The following UBE2V2 variants were observed in gnomAD, a reference collection of about 807,000 sequenced individuals.
The protein encoded by UBE2V2 is ubiquitin conjugating enzyme E2 V2.
In UBE2V2, 9 loss-of-function variants were observed where a neutral mutation model predicts 17.2. The ratio of observed to expected loss-of-function variants is 0.52; its 90% CI spans 0.32 to 0.91. The LOEUF (loss-of-function observed/expected upper bound fraction) is 0.91. Among genes scored for constraint, UBE2V2 ranks in the 40% least tolerant of loss-of-function variants. The pLI is 0.04. For synonymous variants in UBE2V2, 61 were observed against 57.5 expected, an observed-to-expected ratio of 1.06 and a Z score of -0.28; for missense variants, 133 against 182.6, an observed-to-expected ratio of 0.73 and a Z score of 1.56.
At position 48,049,877 on chromosome 8, in the gene UBE2V2, A is replaced by T; in HGVS notation, c.190A>T (p.Ser64Cys). The change falls in exon 3 of 4, where the codon AGC (serine) becomes TGC (cysteine). Residue 64 changes from serine (S) to cysteine (C), a missense_variant. Around this residue, in one of 3 missense-constraint regions of UBE2V2, gnomAD observed 92 missense variants for 124.3 expected, o/e 0.74. Transcript: ENST00000523111. ...PRTNYENRIY[S>C]LKVECGPKYP... ...GACAAATTATGAAAACAGAATATAT[A>T]GCCTGAAAGTAGAATGTGGACCTAA... 6.3e-7 allele frequency: 1 copy of T among 1,593,154 alleles called. No homozygotes were observed. Among genetic ancestry groups the T allele is most frequent in the Non-Finnish European group, 8.5e-7 (1 of 1,173,398 alleles).
intron 1 of UBE2V2, among the ~76,000 whole-genome samples, chr8:48,022,142 CTT>C (rs879871970): frequency 7.7e-5 from 11 of 143,612 alleles, no homozygotes; most frequent in African/African-American, 7.6e-5. Context: ...CAGTTTGGAT[CTT>C]TTTTTTTTTT....
rs2091377713 is a variant in UBE2V2, at chr8:48,030,872, A to G, written c.17-12161A>G. 2.0e-5 allele frequency among the ~76,000 whole-genome samples: 3 copies of G among 152,058 alleles called. No individual in the cohort carries two copies. The South Asian group carries it at 6.2e-4, about 32-fold the overall frequency. The stretch of plus-strand genomic sequence containing the variant: ...CCCCGTCTCTACTAAAAATACAAAA[A>G]TTAGCCAGGAGTAGTGGTACATGCC... On this transcript the variant is annotated intron_variant, in intron 1 of 3. Coordinates refer to ENST00000523111, the MANE Select transcript of UBE2V2 (RefSeq NM_003350.3).
At chr8:48,009,787 G>A (rs906739463) in intron 1 of UBE2V2, among the ~76,000 whole-genome samples, 4 of 152,092 alleles carry the variant, frequency 2.6e-5, no homozygotes, top group African/African-American at 4.8e-5. Context: ...TTACATATAG[G>A]TGTCATAGGT....
In UBE2V2 at chr8:48,011,882, G is replaced by T. The variant is rs144195457; in HGVS notation, c.16+3412G>T. On this transcript the variant is annotated intron_variant, in intron 1 of 3. Transcript: ENST00000523111. ...TTATCCAGTGTAGTCTGAACTCCTGGACTCAAGTGACCCTCCTGCCCTGGC... is the reference window on the plus strand; with the variant it reads ...TTATCCAGTGTAGTCTGAACTCCTGTACTCAAGTGACCCTCCTGCCCTGGC... Among the ~76,000 whole-genome samples the T allele has an allele frequency of 2.3e-3, 343 of 152,250 alleles. 2 individuals are homozygous for T. The highest frequency in any genetic ancestry group is 7.8e-3 in the African/African-American group (322 of 41,548).
chr8:48,007,574 T>A (rs980597813), upstream of UBE2V2, among the ~76,000 whole-genome samples: 1 of 151,396 alleles, frequency 6.6e-6, no homozygotes, highest in East Asian at 1.9e-4. Flanking sequence ...AAATCTTTTT[T>A]TTTTTTTTTT....
chr8:48,048,862 TTATG>T (rs1472055586), intron 2 of UBE2V2, among the ~76,000 whole-genome samples: 1 of 151,954 alleles, frequency 6.6e-6, no homozygotes, highest in Non-Finnish European at 1.5e-5. Flanking sequence ...TTTCATTTAT[TTATG>T]TATATATTTT....
upstream of UBE2V2, among the ~76,000 whole-genome samples, chr8:48,007,411 G>A (rs2091191178): frequency 6.6e-6 from 1 of 152,102 alleles, no homozygotes; most frequent in Non-Finnish European, 1.5e-5. Context: ...CTTCAGCAAA[G>A]TCTCAGGATA....
chr8:48,052,375 G>C (rs1167251896), intron 3 of UBE2V2, among the ~76,000 whole-genome samples: 1 of 152,120 alleles, frequency 6.6e-6, no homozygotes, highest in Non-Finnish European at 1.5e-5. Flanking sequence ...GTTCTACATT[G>C]TCATGGAAGC....
At chr8:48,028,704 T>G (rs968850731) in intron 1 of UBE2V2, among the ~76,000 whole-genome samples, 8 of 152,132 alleles carry the variant, frequency 5.3e-5, no homozygotes, top group Non-Finnish European at 1.0e-4. Flanking sequence ...CAGGCTTGTC[T>G]CAAACTCCTG....
chr8:48,063,549 G>T lies in UBE2V2; in HGVS notation c.*2721G>T, dbSNP rs1188917644. 6.6e-6 allele frequency: 1 copy of T among 152,140 alleles called. No individual in the cohort carries two copies. The highest frequency in any genetic ancestry group is 2.4e-5 in the African/African-American group (1 of 41,450). 9.4% of individuals were successfully genotyped at this position (152,140 alleles called of 1,614,324 possible). On this transcript the variant is annotated 3_prime_UTR_variant, in exon 4 of 4. Transcript: ENST00000523111. ...TAAAGATTACCAAAAGAAACTTCTT[G>T]TCCTGTTAGGTCAGTGTTATGATTT...
intron 1 of UBE2V2, among the ~76,000 whole-genome samples, chr8:48,040,989 C>T (rs1452634663): frequency 6.7e-6 from 1 of 149,124 alleles, no homozygotes; most frequent in Non-Finnish European, 1.5e-5. Flanking sequence ...CTCAGCCTCC[C>T]GAGTAGCTGG....
intron 1 of UBE2V2, among the ~76,000 whole-genome samples, chr8:48,026,163 A>G (rs1391817097): frequency 6.6e-6 from 1 of 150,978 alleles, no homozygotes; most frequent in Non-Finnish European, 1.5e-5. Flanking sequence ...ATAAAACTGT[A>G]TATTATCGGG....
At chr8:48,028,196 C>T (rs900491381) in intron 1 of UBE2V2, among the ~76,000 whole-genome samples, 1 of 151,722 alleles carries the variant, frequency 6.6e-6, no homozygotes, top group African/African-American at 2.4e-5. Context: ...GAGCTGGAGT[C>T]TTGCATTGTC....
At chr8:48,005,118 C>T (rs182397099), upstream of UBE2V2, among the ~76,000 whole-genome samples, 38 of 151,494 alleles carry the variant, frequency 2.5e-4, no homozygotes, top group Non-Finnish European at 4.6e-4. Context: ...TTGCTACACC[C>T]ATCAACCTGT....
At chr8:48,008,190 G>A (rs2091198172), upstream of UBE2V2, among the ~76,000 whole-genome samples, 2 of 152,188 alleles carry the variant, frequency 1.3e-5, no homozygotes, top group African/African-American at 4.8e-5. Context: ...CCAAAGTGCT[G>A]GGATTACAGA....
intron 3 of UBE2V2, among the ~76,000 whole-genome samples, chr8:48,052,617 C>G (rs764897793): frequency 1.4e-4 from 22 of 152,214 alleles, no homozygotes; most frequent in Non-Finnish European, 4.4e-5. Flanking sequence ...TGGACTCTTG[C>G]AACAACGTCT....
intron 1 of UBE2V2, among the ~76,000 whole-genome samples, chr8:48,012,489 T>G (rs2091239326): frequency 6.6e-6 from 1 of 151,924 alleles, no homozygotes; most frequent in Non-Finnish European, 1.5e-5. Flanking sequence ...GAGGCCGAGG[T>G]GGGCGGATTA....
At chr8:48,053,668 C>T (rs1185718028) in intron 3 of UBE2V2, among the ~76,000 whole-genome samples, 13 of 151,014 alleles carry the variant, frequency 8.6e-5, no homozygotes, top group East Asian at 3.9e-4. Flanking sequence ...TCAAATGATC[C>T]GCCCGCCTCG....
intron 3 of UBE2V2, among the ~76,000 whole-genome samples, chr8:48,058,045 C>T (rs113390843): frequency 3.0e-4 from 46 of 152,144 alleles, no homozygotes; most frequent in Non-Finnish European, 4.4e-4. Flanking sequence ...GTGATGAGAA[C>T]GGGGCCAGGT....
Sources: allele counts gnomAD v4.1 joint callset (sites outside exome capture counted in the v4.1 genomes callset), GRCh38; gene constraint gnomAD v4.1.1; regional missense constraint gnomAD v4.1.1; transcripts MANE v1.5; gene names NCBI Gene and HGNC (gene_info 2026-07-23, HGNC 2026-07-21).